The following EYA1 variants were observed in gnomAD, a reference collection of about 807,000 sequenced individuals.
EYA1 encodes the protein protein phosphatase EYA1.
In EYA1, 16 loss-of-function variants were observed where a neutral mutation model predicts 82.0. That is an observed-to-expected ratio of 0.20 (90% CI 0.13 to 0.30). The LOEUF is 0.30. Ranked by LOEUF, EYA1 falls within the 10% of genes least tolerant of loss-of-function variation. EYA1 has a pLI of 1.00. For synonymous variants in EYA1, 261 were observed against 264.4 expected (o/e 0.99, Z 0.12); for missense variants, 633 against 730.7 (o/e 0.87, Z 1.54).
intron 12 of EYA1, among the ~76,000 whole-genome samples, chr8:71,236,218 T>G (rs1811815153): frequency 6.6e-6 from 1 of 152,102 alleles, no homozygotes; most frequent in African/African-American, 2.4e-5. Context: ...GTATTTTTAG[T>G]AGAGATGGGG....
At chr8:71,239,774 G>C (rs374750855) in intron 12 of EYA1, among the ~76,000 whole-genome samples, 1 of 152,274 alleles carries the variant, frequency 6.6e-6, no homozygotes, top group East Asian at 1.9e-4. Flanking sequence ...CAGAGCTCTA[G>C]CATCCACACA....
intron 2 of EYA1, among the ~76,000 whole-genome samples, chr8:71,525,527 C>T (rs1398277719): frequency 1.3e-5 from 2 of 152,000 alleles, no homozygotes; most frequent in Non-Finnish European, 2.9e-5. Flanking sequence ...ACATATTTTG[C>T]CCACCTAATT....
chr8:71,467,016 T>C (rs893362080), intron 2 of EYA1, among the ~76,000 whole-genome samples: 10 of 152,072 alleles, frequency 6.6e-5, no homozygotes, highest in Admixed American at 1.3e-4. Context: ...CAGTTGGGAA[T>C]AAAAAGGTAC....
At chr8:71,438,194 TA>T (rs1806146326) in intron 2 of EYA1, among the ~76,000 whole-genome samples, 1 of 152,126 alleles carries the variant, frequency 6.6e-6, no homozygotes, top group South Asian at 2.1e-4. Flanking sequence ...AAATTGCCTT[TA>T]ATTTATATTT....
At chr8:71,506,726 T>C in intron 2 of EYA1, among the ~76,000 whole-genome samples, 1 of 152,028 alleles carries the variant, frequency 6.6e-6, no homozygotes, top group East Asian at 1.9e-4. Flanking sequence ...AATAAAAGCA[T>C]GAAAGTACTA....
intron 9 of EYA1, among the ~76,000 whole-genome samples, chr8:71,297,075 A>AT (rs993993416): frequency 2.0e-5 from 3 of 152,266 alleles, no homozygotes; most frequent in Admixed American, 6.5e-5. Context: ...GAAAAGTATT[A>AT]TTTTTTTCTC....
At chr8:71,440,369 G>T (rs1055333766) in intron 2 of EYA1, among the ~76,000 whole-genome samples, 3 of 152,202 alleles carry the variant, frequency 2.0e-5, no homozygotes, top group African/African-American at 7.2e-5. Flanking sequence ...TCACTTGGAA[G>T]CTCTTTGAAC....
At chr8:71,324,251 C>T (rs1822904691) in intron 4 of EYA1, among the ~76,000 whole-genome samples, 1 of 152,036 alleles carries the variant, frequency 6.6e-6, no homozygotes, top group Non-Finnish European at 1.5e-5. Context: ...TACAGGAAGT[C>T]CCATAAGGCT....
chr8:71,276,054 C>T (rs552911436), intron 9 of EYA1, among the ~76,000 whole-genome samples: 1 of 152,328 alleles, frequency 6.6e-6, no homozygotes, highest in East Asian at 1.9e-4. Context: ...GGACAAGATA[C>T]AGATTTTGCA....
At chr8:71,457,521 T>G (rs1012763450) in intron 2 of EYA1, among the ~76,000 whole-genome samples, 1 of 152,174 alleles carries the variant, frequency 6.6e-6, no homozygotes, top group Non-Finnish European at 1.5e-5. Flanking sequence ...CAAATGTCCA[T>G]CAATGACAGA....
chr8:71,380,196 A>G (rs11775242), intron 2 of EYA1, among the ~76,000 whole-genome samples: 41,308 of 152,000 alleles, frequency 0.27, 6,212 homozygotes, highest in East Asian at 0.7. Flanking sequence ...TTTGTGGAAC[A>G]TGTGATCTAT....
intron 2 of EYA1, among the ~76,000 whole-genome samples, chr8:71,528,932 T>C (rs751462525): frequency 1.8e-4 from 27 of 152,178 alleles, no homozygotes; most frequent in Non-Finnish European, 3.1e-4. Context: ...GTCCTGCCCT[T>C]TCCAAAAAGA....
At chr8:71,396,192 A>G (rs759050447) in intron 2 of EYA1, among the ~76,000 whole-genome samples, 4 of 151,296 alleles carry the variant, frequency 2.6e-5, no homozygotes, top group Non-Finnish European at 4.4e-5. Flanking sequence ...TTTCTTCTTT[A>G]TTAGTCTTTC....
intron 2 of EYA1, among the ~76,000 whole-genome samples, chr8:71,443,354 C>A (rs572179927): frequency 1.2e-4 from 18 of 152,276 alleles, no homozygotes; most frequent in Admixed American, 3.9e-4. Context: ...CGCAGTGGCA[C>A]AATCTTGGCT....
intron 2 of EYA1, among the ~76,000 whole-genome samples, chr8:71,367,496 A>AT (rs956286690): frequency 6.6e-6 from 1 of 151,264 alleles, no homozygotes; most frequent in Admixed American, 6.6e-5. Flanking sequence ...AACCTATAGA[A>AT]TTTTTTTCTT....
intron 7 of EYA1, among the ~76,000 whole-genome samples, chr8:71,304,325 A>C (rs2129006687): frequency 7.0e-6 from 1 of 143,098 alleles, no homozygotes; most frequent in East Asian, 2.1e-4. Flanking sequence ...CAACTGTGGC[A>C]GAGCTGGGAT....
chr8:71,373,273 C>A (rs1434788538), intron 2 of EYA1, among the ~76,000 whole-genome samples: 1 of 151,968 alleles, frequency 6.6e-6, no homozygotes, highest in Non-Finnish European at 1.5e-5. Flanking sequence ...TAGAACTAAT[C>A]AATTAATTCA....
chr8:71,242,860 C>T (rs1281513806), intron 12 of EYA1, among the ~76,000 whole-genome samples: 1 of 150,336 alleles, frequency 6.7e-6, no homozygotes, highest in African/African-American at 2.5e-5. Context: ...TCATCGTAAC[C>T]TCTGCCTCCC....
At position 71,267,410 on chromosome 8, in the gene EYA1, T is replaced by C. The variant is rs897083197; in HGVS notation, c.1050+2330A>G. On this transcript the variant is annotated intron_variant, in intron 11 of 17. Transcript: ENST00000340726. The stretch of plus-strand genomic sequence containing the variant: ...ACCCAAAGTCACATGCAGGAAGATC[T>C]TCCTCAGAAACCTGGCTTTCTGAAG... Among the ~76,000 whole-genome samples, 5 of 152,332 alleles carry C rather than the reference T, an allele frequency of 3.3e-5. No individual in the cohort carries two copies. In the East Asian group the frequency reaches 9.6e-4, roughly 29 times the overall value.
Sources: allele counts gnomAD v4.1 joint callset (sites outside exome capture counted in the v4.1 genomes callset), GRCh38; gene constraint gnomAD v4.1.1; transcripts MANE v1.5; gene names NCBI Gene and HGNC (gene_info 2026-07-23, HGNC 2026-07-21).